The following PLA2G4D variants were observed in gnomAD, a reference collection of about 807,000 sequenced individuals.
PLA2G4D encodes the protein cytosolic phospholipase A2 delta.
A neutral mutation model predicts 94.4 loss-of-function variants in PLA2G4D; 80 were observed. The ratio of observed to expected loss-of-function variants is 0.85; its 90% CI spans 0.71 to 1.02. The LOEUF (loss-of-function observed/expected upper bound fraction) is 1.02. PLA2G4D is among the 50% of genes least tolerant of loss of function. PLA2G4D has a pLI of 0.00. For missense variants in PLA2G4D, 1,050 were observed against 1,034.7 expected, an observed-to-expected ratio of 1.01 and a Z score of -0.20; for synonymous variants, 438 against 440.9, an observed-to-expected ratio of 0.99 and a Z score of 0.08.
Position 42,070,106 on chromosome 15 carries a change from GA to G in PLA2G4D, c.2044-12del. Reference sequence around the variant, plus strand: ...CGTCTGCTGCAGTGCCTGGTGGGGAGAAGGTGGCCCGGAGAGAACCAGCCCG... The same window carrying G: ...CGTCTGCTGCAGTGCCTGGTGGGGAGAGGTGGCCCGGAGAGAACCAGCCCG... On this transcript the variant is annotated splice_polypyrimidine_tract_variant and intron_variant, in intron 18 of 19. Transcript: ENST00000290472. The G allele has an allele frequency of 6.7e-7, 1 of 1,488,140 alleles. No homozygotes were observed. Among genetic ancestry groups the G allele is most frequent in the Non-Finnish European group, 8.9e-7 (1 of 1,124,606 alleles). The allele number at this position is 1,488,140 out of a possible 1,614,324, so 92.2% of individuals were successfully genotyped here.
At position 42,068,942 on chromosome 15, in the gene PLA2G4D, C is replaced by G. The variant is rs768810483; in HGVS notation, c.2231-1G>C. ...AGCTCTGCGGGGCTGCGCTGGACAC[C>G]TGCCCAGGGGTAGGAGGGGTGTCAG... On this transcript the variant is annotated splice_acceptor_variant, in intron 19 of 19. Transcript: ENST00000290472. LOFTEE classifies it high-confidence loss of function. 2 of 1,607,508 alleles carry G rather than the reference C, an allele frequency of 1.2e-6. No individual in the cohort carries two copies. The highest frequency in any genetic ancestry group is 2.2e-5 in the South Asian group (2 of 90,006).
At chr15:42,085,213 T>C in intron 5 of PLA2G4D, 75 bp from the exon 6 acceptor site, 2 of 1,550,876 alleles carry the variant, frequency 1.3e-6, no homozygotes, top group Non-Finnish European at 1.8e-6. Context: ...GGGGTCTCCC[T>C]GGGTGATGCT....
In PLA2G4D at chr15:42,086,194, T is replaced by TGGGGGGCCCCC; in HGVS notation, c.387+18_387+19insGGGGGCCCCCC. ...GGAAGAAGTGGGGCCCACGGGGACT[T>TGGGGGGCCCCC]CCCCACCCACCCACCCACCTGGGGA... On this transcript the variant is annotated intron_variant, in intron 4 of 19. Coordinates refer to ENST00000290472, the MANE Select transcript of PLA2G4D (RefSeq NM_178034.4). The TGGGGGGCCCCC allele has an allele frequency of 1.5e-6, 2 of 1,370,442 alleles. No individual in the cohort carries two copies. Among genetic ancestry groups the TGGGGGGCCCCC allele is most frequent in the Non-Finnish European group, 1.9e-6 (2 of 1,043,082 alleles). The allele number at this position is 1,370,442 out of a possible 1,614,324, so 84.9% of individuals were successfully genotyped here.
Position 42,081,847 on chromosome 15 carries a change from C to T in PLA2G4D, c.784-13G>A. 2 of 1,614,164 alleles carry T rather than the reference C, an allele frequency of 1.2e-6. No individual in the cohort carries two copies. Among genetic ancestry groups the T allele is most frequent in the Non-Finnish European group, 1.7e-6 (2 of 1,180,022 alleles). ...TCACTCCTGGGGCCTGAAATCAAAGCCAGAGACTCTGCTCAGACCCTCCTA... is the reference window on the plus strand; with the variant it reads ...TCACTCCTGGGGCCTGAAATCAAAGTCAGAGACTCTGCTCAGACCCTCCTA... On this transcript the variant is annotated splice_polypyrimidine_tract_variant and intron_variant, in intron 9 of 19. Coordinates refer to ENST00000290472, the MANE Select transcript of PLA2G4D (RefSeq NM_178034.4).
intron 13 of PLA2G4D, among the ~76,000 whole-genome samples, chr15:42,073,628 C>G (rs1041750766): frequency 1.3e-5 from 2 of 152,188 alleles, no homozygotes; most frequent in African/African-American, 2.4e-5. Context: ...CGCAGCAGCC[C>G]TTATCATCAG....
At position 42,094,557 on chromosome 15, in the gene PLA2G4D, G is replaced by A; in HGVS notation, c.-98C>T. 2 of 1,445,224 alleles carry A rather than the reference G, an allele frequency of 1.4e-6. No homozygotes were observed. Among genetic ancestry groups the A allele is most frequent in the Middle Eastern group, 1.8e-4 (1 of 5,584 alleles). The allele number at this position is 1,445,224 out of a possible 1,614,324, so 89.5% of individuals were successfully genotyped here. A position where few individuals can be genotyped will look rare whatever the true frequency, so the allele number is the denominator to read the frequency against. ...GGTCCCAGTGGGATAGGACCAGCATGAATCTGCCAGCCTTCAATGAGCCAC... is the reference window on the plus strand; with the variant it reads ...GGTCCCAGTGGGATAGGACCAGCATAAATCTGCCAGCCTTCAATGAGCCAC... On this transcript the variant is annotated 5_prime_UTR_variant, in exon 1 of 20. Coordinates refer to ENST00000290472, the MANE Select transcript of PLA2G4D (RefSeq NM_178034.4).
intron 6 of PLA2G4D, 66 bp from the exon 7 acceptor site, chr15:42,083,845 C>G (rs941639351): frequency 2.0e-6 from 3 of 1,502,676 alleles, no homozygotes; most frequent in Non-Finnish European, 9.2e-7. Flanking sequence ...TAACCTCAAC[C>G]CTCTGAGACC....
chr15:42,084,102 C>T lies in PLA2G4D; in HGVS notation c.472-323G>A. 1 of 331,220 alleles carries T rather than the reference C, an allele frequency of 3.0e-6. No individual in the cohort carries two copies. The highest frequency in any genetic ancestry group is 5.7e-6 in the Non-Finnish European group (1 of 176,504). The allele number at this position is 331,220 out of a possible 1,614,324, so 20.5% of individuals were successfully genotyped here. A position where few individuals can be genotyped will look rare whatever the true frequency, so the allele number is the denominator to read the frequency against. Reference sequence around the variant, plus strand: ...TCTCTTGTTTCCCTGTGGCTTGGAGCTGGAGGAGGTATTCTACCACAACTC... The same window carrying T: ...TCTCTTGTTTCCCTGTGGCTTGGAGTTGGAGGAGGTATTCTACCACAACTC... On this transcript the variant is annotated intron_variant, in intron 6 of 19. Transcript: ENST00000290472. This position sits in a 1 kb window ranked among gnomAD's most constrained non-coding sequence, Gnocchi z 4.8.
Position 42,068,819 on chromosome 15 carries a change from T to A in PLA2G4D, c.2353A>T (p.Ser785Cys), listed in dbSNP as rs1199935841. 4 of 1,613,958 alleles carry A rather than the reference T, an allele frequency of 2.5e-6. 1 individual carries two copies. In the South Asian group the frequency reaches 4.4e-5, roughly 18 times the overall value. ...TGGCTGGTCTGCACGTTGTAGTCACTGAGCCGCAGCAGGCGCTCGAAGTCT... is the reference window on the plus strand; with the variant it reads ...TGGCTGGTCTGCACGTTGTAGTCACAGAGCCGCAGCAGGCGCTCGAAGTCT... Reference protein sequence around the residue: ...EEDFERLLRLSDYNVQTSQGA... With the variant: ...EEDFERLLRLCDYNVQTSQGA... The change falls in exon 20 of 20, where the codon AGT becomes TGT. Residue 785 changes from serine (S) to cysteine (C), a missense_variant. By Grantham distance (112) the Ser-to-Cys change is moderately radical. Coordinates refer to ENST00000290472, the MANE Select transcript of PLA2G4D (RefSeq NM_178034.4).
rs746340363 is a variant in PLA2G4D, at chr15:42,079,638, C to G, written c.1216G>C (p.Ala406Pro). ...KLEVFSPERL[A>P]SYRRELELRA... The stretch of plus-strand genomic sequence containing the variant: ...AGCTCCAGCTCCCGGCGGTAGCTCG[C>G]CAGGCGCTCTGGGGAAAAGACCTCC... The change falls in exon 13 of 20, where the codon GCG (alanine) becomes CCG (proline). Residue 406 changes from alanine (A) to proline (P), a missense_variant. Coordinates refer to ENST00000290472, the MANE Select transcript of PLA2G4D (RefSeq NM_178034.4). 1 of 1,612,644 alleles carries G rather than the reference C, an allele frequency of 6.2e-7. No individual in the cohort carries two copies. The highest frequency in any genetic ancestry group is 1.3e-5 in the African/African-American group (1 of 74,944).
intron 1 of PLA2G4D, among the ~76,000 whole-genome samples, chr15:42,094,196 G>C (rs1486048446): frequency 6.6e-6 from 1 of 152,100 alleles, no homozygotes; most frequent in Non-Finnish European, 1.5e-5. Flanking sequence ...CGCTGGTGGT[G>C]GGGAGAGGAA....
In PLA2G4D at chr15:42,067,621, T is replaced by C. The variant is rs1889711709; in HGVS notation, c.*1094A>G. ...AAAAGGTTTATATACCATAATCAAA[T>C]GGAAACTGCCCCAGGAATGCAAAGT... On this transcript the variant is annotated 3_prime_UTR_variant, in exon 20 of 20. Transcript: ENST00000290472. 1 of 150,574 alleles carries C rather than the reference T, an allele frequency of 6.6e-6. No individual in the cohort carries two copies. The highest frequency in any genetic ancestry group is 2.4e-5 in the African/African-American group (1 of 40,972). 9.3% of individuals were successfully genotyped at this position (150,574 alleles called of 1,614,324 possible).
intron 1 of PLA2G4D, among the ~76,000 whole-genome samples, chr15:42,092,032 C>G (rs1023307022): frequency 2.6e-5 from 4 of 152,170 alleles, no homozygotes; most frequent in Non-Finnish European, 5.9e-5. Context: ...GCATTGGTGG[C>G]AGTGGTCCCC....
In PLA2G4D at chr15:42,070,008, T is replaced by C; in HGVS notation, c.2131A>G (p.Arg711Gly). The C allele has an allele frequency of 6.7e-7, 1 of 1,501,152 alleles. No individual in the cohort carries two copies. The highest frequency in any genetic ancestry group is 1.3e-5 in the South Asian group (1 of 75,966). 93.0% of individuals were successfully genotyped at this position (1,501,152 alleles called of 1,614,324 possible). A position where few individuals can be genotyped will look rare whatever the true frequency, so the allele number is the denominator to read the frequency against. ...GGGTCTGAGAAGAGGTGGCATTCCC[T>C]TGGCTGGTGCTGGTCCTGAGGGCTG... is the stretch of plus-strand genomic sequence containing the variant. ...EPSPQDQHQP[R>G]ECHLFSDPAC... Residue 711 changes from arginine (R) to glycine (G), a missense_variant, in exon 19 of 20, where the codon AGG becomes GGG. Coordinates refer to ENST00000290472, the MANE Select transcript of PLA2G4D (RefSeq NM_178034.4).
chr15:42,070,230 A>C, intron 18 of PLA2G4D, 135 bp from the exon 19 acceptor site: 1 of 895,792 alleles, frequency 1.1e-6, no homozygotes, highest in Non-Finnish European at 1.6e-6. Flanking sequence ...GCCAAGCTGC[A>C]GAGTGACTCG....
chr15:42,081,231 G>A (rs1890030844), intron 11 of PLA2G4D, 98 bp from the exon 12 acceptor site: 2 of 1,531,414 alleles, frequency 1.3e-6, no homozygotes, highest in African/African-American at 1.4e-5. Flanking sequence ...CCAGGGAAGG[G>A]ACCGCATAGT....
At chr15:42,083,614 C>T in intron 7 of PLA2G4D, 102 bp downstream of exon 7, 2 of 1,411,452 alleles carry the variant, frequency 1.4e-6, no homozygotes, top group South Asian at 1.2e-5. Flanking sequence ...GAGAGGCAAG[C>T]TCTACCCTGC....
In PLA2G4D at chr15:42,071,181, G is replaced by A. The variant is rs150997625; in HGVS notation, c.1818C>T (p.Leu606=). 8.1e-4 allele frequency: 1,304 copies of A among 1,613,642 alleles called. 4 individuals are homozygous for A. The highest frequency in any genetic ancestry group is 1.5e-3 in the Middle Eastern group (9 of 6,038). ...RPLHQRSPNF[L]QGLQLHQDYC... ...AGTCCTGGTGCAGCTGGAGGCCCTG[G>A]AGGAAGTTGGGGCTGCGCTGGTGGA... The change falls in exon 17 of 20, where the codon CTC becomes CTT. Residue 606 remains leucine (L), a synonymous_variant. Transcript: ENST00000290472.
chr15:42,069,884 G>C (rs1889766548), intron 19 of PLA2G4D, 25 bp downstream of exon 19: 3 of 1,392,738 alleles, frequency 2.2e-6, no homozygotes, highest in Non-Finnish European at 1.9e-6. Flanking sequence ...CAGGCAGCCT[G>C]GGTGCTTGGG....
Sources: allele counts gnomAD v4.1 joint callset (sites outside exome capture counted in the v4.1 genomes callset), GRCh38; gene constraint gnomAD v4.1.1; non-coding constraint Gnocchi (gnomAD v3.1); transcripts MANE v1.5; gene names NCBI Gene and HGNC (gene_info 2026-07-23, HGNC 2026-07-21).